KCNH5: variants seen among roughly 807,000 people sequenced by gnomAD.
The protein encoded by KCNH5 is potassium voltage-gated channel subfamily H member 5.
A neutral mutation model predicts 96.1 loss-of-function variants in KCNH5; 46 were observed. That is an observed-to-expected ratio of 0.48 (90% CI 0.38 to 0.61). The LOEUF (loss-of-function observed/expected upper bound fraction) is 0.61, where lower values mean the gene tolerates loss of function less well. Ranked by LOEUF, KCNH5 falls within the 20% of genes least tolerant of loss-of-function variation. The pLI, the probability that KCNH5 is intolerant of heterozygous loss-of-function variation, is 0.00. For synonymous variants in KCNH5, 439 were observed against 449.8 expected (o/e 0.98, Z 0.30); for missense variants, 907 against 1,225.8 (o/e 0.74, Z 3.88).
intron 7 of KCNH5, among the ~76,000 whole-genome samples, chr14:62,870,909 A>G (rs1888241252): frequency 6.6e-6 from 1 of 152,168 alleles, no homozygotes; most frequent in South Asian, 2.1e-4. Flanking sequence ...CAAGATTCCA[A>G]CACAGGTATT....
intron 2 of KCNH5, among the ~76,000 whole-genome samples, chr14:63,012,945 T>C (rs1367861359): frequency 2.0e-5 from 3 of 150,246 alleles, no homozygotes; most frequent in Admixed American, 1.3e-4. Context: ...TTAGAATTAA[T>C]AACCATAAGA....
At chr14:63,012,782 G>A (rs1261319651) in intron 2 of KCNH5, among the ~76,000 whole-genome samples, 1 of 151,804 alleles carries the variant, frequency 6.6e-6, no homozygotes, top group Non-Finnish European at 1.5e-5. Context: ...ACATAATGGT[G>A]AATGAAAAGA....
intron 10 of KCNH5, among the ~76,000 whole-genome samples, chr14:62,736,564 C>G (rs1484519748): frequency 6.6e-6 from 1 of 152,082 alleles, no homozygotes; most frequent in Non-Finnish European, 1.5e-5. Flanking sequence ...AAGATGCCAG[C>G]CTTGAGATAA....
At chr14:62,766,064 C>T (rs79654597) in intron 10 of KCNH5, among the ~76,000 whole-genome samples, 6,292 of 151,976 alleles carry the variant, frequency 0.041, 263 homozygotes, top group African/African-American at 0.11. Flanking sequence ...ATAAGACAGA[C>T]GAATGGAAAT....
chr14:62,977,209 T>A (rs1015251312), intron 6 of KCNH5, among the ~76,000 whole-genome samples: 1 of 151,646 alleles, frequency 6.6e-6, no homozygotes, highest in Non-Finnish European at 1.5e-5. Flanking sequence ...TAAAAAAATT[T>A]AAAAAAAATT....
At chr14:62,917,572 T>C (rs1386294232) in intron 7 of KCNH5, among the ~76,000 whole-genome samples, 1 of 152,164 alleles carries the variant, frequency 6.6e-6, no homozygotes, top group Non-Finnish European at 1.5e-5. Flanking sequence ...CCCTTTCTAA[T>C]TGTACATGTA....
chr14:62,980,613 C>T (rs574842957), intron 6 of KCNH5, among the ~76,000 whole-genome samples: 38 of 152,200 alleles, frequency 2.5e-4, no homozygotes, highest in African/African-American at 8.2e-4. Flanking sequence ...CTTCAAATGC[C>T]GCCGCTTTTC....
intron 8 of KCNH5, among the ~76,000 whole-genome samples, chr14:62,818,438 T>G (rs570836137): frequency 6.6e-6 from 1 of 152,106 alleles, no homozygotes; most frequent in African/African-American, 2.4e-5. Flanking sequence ...CCATTAAGTA[T>G]GAAAAAGATA....
chr14:62,815,548 G>C (rs1296579692), intron 8 of KCNH5, among the ~76,000 whole-genome samples: 1 of 151,930 alleles, frequency 6.6e-6, no homozygotes, highest in Non-Finnish European at 1.5e-5. Context: ...AGGTTAGTTT[G>C]ACTGTAGTGA....
chr14:62,888,343 G>A (rs950466607), intron 7 of KCNH5, among the ~76,000 whole-genome samples: 8 of 152,140 alleles, frequency 5.3e-5, no homozygotes, highest in Admixed American at 5.2e-4. Flanking sequence ...GAAATTATGA[G>A]AGTGTATATT....
At chr14:62,799,932 TA>T (rs1288839668) in intron 9 of KCNH5, among the ~76,000 whole-genome samples, 3 of 147,516 alleles carry the variant, frequency 2.0e-5, no homozygotes, top group Non-Finnish European at 3.0e-5. Context: ...ATTTCAAAAT[TA>T]AACTATCAAA....
At chr14:62,990,046 C>T (rs1347552236) in intron 4 of KCNH5, among the ~76,000 whole-genome samples, 1 of 151,696 alleles carries the variant, frequency 6.6e-6, no homozygotes, top group Non-Finnish European at 1.5e-5. Context: ...GGTAAAATTA[C>T]AGCCCTTGGT....
intron 10 of KCNH5, among the ~76,000 whole-genome samples, chr14:62,761,149 G>C (rs2139955800): frequency 6.6e-6 from 1 of 152,228 alleles, no homozygotes; most frequent in East Asian, 1.9e-4. Context: ...GAGGTCAGGA[G>C]TTCAAGACCA....
chr14:62,882,203 G>T (rs1323516279), intron 7 of KCNH5, among the ~76,000 whole-genome samples: 27 of 151,062 alleles, frequency 1.8e-4, no homozygotes, highest in Admixed American at 1.8e-3. Flanking sequence ...GTTCAAGGCT[G>T]CAGTGAGCTA....
intron 7 of KCNH5, among the ~76,000 whole-genome samples, chr14:62,876,261 T>C (rs921728875): frequency 5.3e-5 from 8 of 152,232 alleles, no homozygotes; most frequent in Non-Finnish European, 1.2e-4. Flanking sequence ...ACATATTTAA[T>C]AGTGAAAGAC....
At chr14:62,873,149 CAA>C (rs34678951) in intron 7 of KCNH5, among the ~76,000 whole-genome samples, 69 of 113,856 alleles carry the variant, frequency 6.1e-4, no homozygotes, top group South Asian at 7.6e-4. Context: ...GACTCTGACT[CAA>C]AAAAAAAAAA....
At position 62,705,971 on chromosome 14, in the gene KCNH5, T is replaced by A. The variant is rs75035722; in HGVS notation, c.*1537A>T. On this transcript the variant is annotated 3_prime_UTR_variant, in exon 11 of 11. Transcript: ENST00000322893. ...CTCCCCTGCTCCCCATATTAAATGC[T>A]GTGCATGCACTGACTGAAAAGTATG... 1 of 152,080 alleles carries A rather than the reference T, an allele frequency of 6.6e-6. No homozygotes were observed. The highest frequency in any genetic ancestry group is 6.5e-5 in the Admixed American group (1 of 15,274). 9.4% of individuals were successfully genotyped at this position (152,080 alleles called of 1,614,324 possible).
In KCNH5 at chr14:62,950,404, T is replaced by TA; in HGVS notation, c.1097dup (p.Trp367MetfsTer3). 1 of 1,613,944 alleles carries TA rather than the reference T, an allele frequency of 6.2e-7. No homozygotes were observed. Among genetic ancestry groups the TA allele is most frequent in the Non-Finnish European group, 8.5e-7 (1 of 1,179,982 alleles). On this transcript the variant is annotated frameshift_variant, in exon 7 of 11. Transcript: ENST00000322893. LOFTEE classifies it high-confidence loss of function. ...CCTCGTAGTCTCCGATGCTATACCA[T>TA]ATGCAGGCCAGCCAGTGGGCCACCA... is the stretch of plus-strand genomic sequence containing the variant.
At position 62,769,210 on chromosome 14, in the gene KCNH5, G is replaced by A. The variant is rs528622917; in HGVS notation, c.2019+10518C>T. ...TGATTTCAAGCTCAAACGCCATCAC[G>A]CCTGTGGCGTGTAAACTGTGAAGTG... On this transcript the variant is annotated intron_variant, in intron 10 of 10. Transcript: ENST00000322893. 2.0e-5 allele frequency among the ~76,000 whole-genome samples: 3 copies of A among 152,340 alleles called. No individual in the cohort carries two copies. The South Asian group carries it at 6.2e-4, about 32-fold the overall frequency.
Sources: allele counts gnomAD v4.1 joint callset (sites outside exome capture counted in the v4.1 genomes callset), GRCh38; gene constraint gnomAD v4.1.1; transcripts MANE v1.5; gene names NCBI Gene and HGNC (gene_info 2026-07-23, HGNC 2026-07-21).